NOP58: variants seen among roughly 807,000 people sequenced by gnomAD.
NOP58 encodes the protein nucleolar protein 58.
Under a neutral mutation model 71.2 loss-of-function variants are expected in NOP58, and 44 were observed. That is an observed-to-expected ratio of 0.62 (90% CI 0.49 to 0.79). NOP58 has a LOEUF of 0.79. Ranked by LOEUF, NOP58 falls within the 30% of genes least tolerant of loss-of-function variation. NOP58 has a pLI of 0.00. For synonymous variants in NOP58, 228 were observed against 200.3 expected, an observed-to-expected ratio of 1.14 and a Z score of -1.17; for missense variants, 538 against 620.2, an observed-to-expected ratio of 0.87 and a Z score of 1.41.
chr2:202,303,160 T>G, intron 14 of NOP58, 103 bp downstream of exon 14: 2 of 1,410,898 alleles, frequency 1.4e-6, no homozygotes, highest in Non-Finnish European at 9.6e-7. Context: ...AAAAAATGGT[T>G]TTCATTGATG....
intron 12 of NOP58, among the ~76,000 whole-genome samples, chr2:202,298,477 C>A (rs998708237): frequency 6.6e-6 from 1 of 152,048 alleles, no homozygotes; most frequent in Non-Finnish European, 1.5e-5. Flanking sequence ...ATGGTGAAAC[C>A]CCATCTCTAC....
rs1009364208 is a variant in NOP58 at position 202,294,931 on chromosome 2, C to T, written c.908-743C>T. 7.3e-5 allele frequency among the ~76,000 whole-genome samples: 11 copies of T among 151,614 alleles called. No homozygotes were observed. The South Asian group carries it at 8.3e-4, about 12-fold the overall frequency. ...AGTGAGCCAAGATCGCGCCACTGCA[C>T]TCCAGCCTGCGCAACAGAGCGAAAC... On this transcript the variant is annotated intron_variant, in intron 9 of 14. Transcript: ENST00000264279.
At position 202,282,212 on chromosome 2, in the gene NOP58, ATATC is replaced by A. The variant is rs1688717486; in HGVS notation, c.176-138_176-135del. 9.1e-6 allele frequency: 6 copies of A among 659,000 alleles called. No homozygotes were observed. The South Asian group carries it at 1.3e-4, about 14-fold the overall frequency. The allele number at this position is 659,000 out of a possible 1,614,324, so 40.8% of individuals were successfully genotyped here. A position where few individuals can be genotyped will look rare whatever the true frequency, so the allele number is the denominator to read the frequency against. On this transcript the variant is annotated intron_variant, in intron 3 of 14. Coordinates refer to ENST00000264279, the MANE Select transcript of NOP58 (RefSeq NM_015934.5). ...GTGAAACATGTAACTTATAAAACAT[ATATC>A]ATTTCATTTCAGAAGTAACATTAAA... is the stretch of plus-strand genomic sequence containing the variant.
chr2:202,283,515 A>G (rs1255590180), intron 4 of NOP58, among the ~76,000 whole-genome samples: 1 of 150,134 alleles, frequency 6.7e-6, no homozygotes, highest in East Asian at 2.0e-4. Flanking sequence ...GTCTTGGCTC[A>G]CTGCAACCTC....
At chr2:202,291,452 T>C (rs1317870257) in intron 8 of NOP58, 182 bp downstream of exon 8, 1 of 425,254 alleles carries the variant, frequency 2.4e-6, no homozygotes, top group African/African-American at 2.0e-5. Flanking sequence ...GGGAAATACA[T>C]ATTAAAAGGA....
At position 202,275,134 on chromosome 2, in the gene NOP58, CAA is replaced by C; in HGVS notation, c.68_69del (p.Gln23ArgfsTer3). 6.4e-7 allele frequency: 1 copy of C among 1,566,222 alleles called. No homozygotes were observed. Among genetic ancestry groups the C allele is most frequent in the South Asian group, 1.1e-5 (1 of 87,616 alleles). ...IFKVLNEKKLQEVDSLWKEFE... is the reference protein window; with the variant it reads ...IFKVLNEKKLXEVDSLWKEFE... Reference sequence around the variant, plus strand: ...ACAGGTTCTAAATGAGAAGAAACTTCAAGAGGTTGATAGTTTATGGAAAGAAT... The same window carrying C: ...ACAGGTTCTAAATGAGAAGAAACTTCGAGGTTGATAGTTTATGGAAAGAAT... On this transcript the variant is annotated frameshift_variant, in exon 2 of 15. Coordinates refer to ENST00000264279, the MANE Select transcript of NOP58 (RefSeq NM_015934.5). LOFTEE classifies it high-confidence loss of function.
In NOP58 at chr2:202,291,148, G is replaced by A; in HGVS notation, c.658G>A (p.Ala220Thr). ...AGGCGATAGGAAGAACTATGCCTCT[G>A]CCAAGCTTTCTGAGTTGCTGCCAGA... Reference protein sequence around the residue: ...KVGDRKNYASAKLSELLPEEV... With the variant: ...KVGDRKNYASTKLSELLPEEV... The change falls in exon 8 of 15, where the codon GCC becomes ACC. Residue 220 changes from alanine to threonine, a missense_variant. Transcript: ENST00000264279. The A allele has an allele frequency of 1.2e-6, 2 of 1,611,048 alleles. No homozygotes were observed. The highest frequency in any genetic ancestry group is 2.2e-5 in the South Asian group (2 of 90,338).
chr2:202,296,074 C>T (rs943797420), intron 10 of NOP58, among the ~76,000 whole-genome samples: 1 of 151,882 alleles, frequency 6.6e-6, no homozygotes, highest in Non-Finnish European at 1.5e-5. Context: ...TTTTTTTCCC[C>T]CCTAGAATCT....
chr2:202,289,990 T>C (rs1688858798), intron 6 of NOP58, among the ~76,000 whole-genome samples: 1 of 152,176 alleles, frequency 6.6e-6, no homozygotes, highest in Non-Finnish European at 1.5e-5. Context: ...AATCTTGCTC[T>C]GTCACCCAGG....
At chr2:202,275,230 A>G (rs941269928) in intron 2 of NOP58, 41 bp downstream of exon 2, 2 of 996,500 alleles carry the variant, frequency 2.0e-6, no homozygotes, top group Admixed American at 4.6e-5. Flanking sequence ...GTTAACATTT[A>G]GGGCTTGTTT....
intron 9 of NOP58, among the ~76,000 whole-genome samples, chr2:202,293,580 TA>T (rs1688941412): frequency 6.6e-6 from 1 of 152,226 alleles, no homozygotes; most frequent in Non-Finnish European, 1.5e-5. Flanking sequence ...TAAAATGGCA[TA>T]ACTCCTTTTT....
At chr2:202,279,753 C>G (rs1206589236) in intron 3 of NOP58, among the ~76,000 whole-genome samples, 1 of 152,190 alleles carries the variant, frequency 6.6e-6, no homozygotes, top group Non-Finnish European at 1.5e-5. Flanking sequence ...AAGATTGCAC[C>G]ACTGCACTCC....
rs71031885 is a variant in NOP58 at position 202,302,083 on chromosome 2, CTTTT to C, written c.1403-819_1403-816del. Among the ~76,000 whole-genome samples, 300 of 90,516 alleles carry C rather than the reference CTTTT, an allele frequency of 3.3e-3. 1 individual carries two copies. Among genetic ancestry groups the C allele is most frequent in the Middle Eastern group, 6.6e-3 (1 of 152 alleles). The allele number at this position is 90,516 out of a possible 152,430, so 59.4% of individuals were successfully genotyped here. ...TCTCTTTTCTTTTTCTTTTTTTTTT[CTTTT>C]TTTTTTTTTTTTTTTTTTGAGACAG... On this transcript the variant is annotated intron_variant, in intron 13 of 14. Coordinates refer to ENST00000264279, the MANE Select transcript of NOP58 (RefSeq NM_015934.5).
chr2:202,276,010 G>A (rs568026674), intron 2 of NOP58, among the ~76,000 whole-genome samples: 30 of 152,216 alleles, frequency 2.0e-4, no homozygotes, highest in Non-Finnish European at 4.4e-5. Context: ...GACCACACTA[G>A]TATGTTCCCT....
In NOP58 at chr2:202,275,126, A is replaced by G. The variant is rs757481909; in HGVS notation, c.59A>G (p.Lys20Arg). 1.2e-5 allele frequency: 18 copies of G among 1,552,680 alleles called. No individual in the cohort carries two copies. Among genetic ancestry groups the G allele is most frequent in the Non-Finnish European group, 1.5e-5 (17 of 1,134,992 alleles). ...ATTTTATTACAGGTTCTAAATGAGA[A>G]GAAACTTCAAGAGGTTGATAGTTTA... is the stretch of plus-strand genomic sequence containing the variant. ...GYAIFKVLNE[K>R]KLQEVDSLWK... The change falls in exon 2 of 15, where the codon AAG becomes AGG. Residue 20 changes from lysine to arginine, a missense_variant. Physicochemically the swap from Lys to Arg is conservative, Grantham distance 26. Transcript: ENST00000264279.
intron 14 of NOP58, 71 bp from the exon 15 acceptor site, chr2:202,303,315 T>A: frequency 1.3e-6 from 2 of 1,583,068 alleles, no homozygotes; most frequent in Non-Finnish European, 1.7e-6. Context: ...GTGGGGTTTT[T>A]ATATTTTCAA....
At chr2:202,290,552 C>A in intron 7 of NOP58, 95 bp downstream of exon 7, 2 of 1,158,978 alleles carry the variant, frequency 1.7e-6, no homozygotes, top group African/African-American at 1.6e-5. Context: ...GCAAGATTCC[C>A]AGGGTTTTTG....
In NOP58 at chr2:202,295,729, T is replaced by C. The variant is rs1419345421; in HGVS notation, c.963T>C (p.Ala321=). The C allele has an allele frequency of 3.7e-6, 6 of 1,610,826 alleles. No individual in the cohort carries two copies. The highest frequency in any genetic ancestry group is 5.1e-6 in the Non-Finnish European group (6 of 1,178,850). The change falls in exon 10 of 15, where the codon GCT becomes GCC. Residue 321 remains alanine (A), a synonymous_variant. Coordinates refer to ENST00000264279, the MANE Select transcript of NOP58 (RefSeq NM_015934.5). ...CTTCTACCGTTCAGATTCTTGGAGC[T>C]GAAAAGGCACTTTTCAGAGCCCTCA... ...HAASTVQILG[A]EKALFRALKS...
At chr2:202,271,892 T>C (rs1688516618) in intron 1 of NOP58, among the ~76,000 whole-genome samples, 2 of 152,114 alleles carry the variant, frequency 1.3e-5, no homozygotes, top group South Asian at 2.1e-4. Flanking sequence ...TGTAGTGACA[T>C]AGGACCACAC....
Sources: gnomAD v4.1 joint callset for allele counts (sites outside exome capture counted in the v4.1 genomes callset) on GRCh38, gnomAD v4.1.1 for gene constraint, MANE v1.5 for transcripts, NCBI Gene and HGNC (gene_info 2026-07-23, HGNC 2026-07-21) for gene names.